Variants in C16orf82 observed in about 807,000 individuals in gnomAD.
C16orf82 encodes chromosome 16 open reading frame 82.
For synonymous variants in C16orf82, 82 were observed against 85.5 expected (o/e 0.96, Z 0.22); for missense variants, 176 against 206.1 (o/e 0.85, Z 0.89).
chr16:27,067,424 C>T lies in C16orf82; in HGVS notation c.429C>T (p.Pro143=), dbSNP rs190259239. The T allele has an allele frequency of 1.4e-3, 1,923 of 1,331,390 alleles. 24 individuals are homozygous for T. The African/African-American group carries it at 0.026, about 18-fold the overall frequency. 82.5% of individuals were successfully genotyped at this position (1,331,390 alleles called of 1,614,324 possible). A position where few individuals can be genotyped will look rare whatever the true frequency, so the allele number is the denominator to read the frequency against. Reference sequence around the variant, plus strand: ...CTCTAAAGAGCCGGCTGACTGGCCCCGCCCACAGCACCAAGCAGACTGGAG... The same window carrying T: ...CTCTAAAGAGCCGGCTGACTGGCCCTGCCCACAGCACCAAGCAGACTGGAG... The change falls in exon 1 of 1, where the codon CCC becomes CCT. Residue 143 remains proline, a synonymous_variant. Transcript: ENST00000505035.
Position 27,066,992 on chromosome 16 carries a change from C to T in C16orf82, c.-4C>T, listed in dbSNP as rs267604481. 7.3e-7 allele frequency: 1 copy of T among 1,367,032 alleles called. No individual in the cohort carries two copies. The highest frequency in any genetic ancestry group is 1.9e-5 in the Admixed American group (1 of 52,602). The allele number at this position is 1,367,032 out of a possible 1,614,324, so 84.7% of individuals were successfully genotyped here. A position where few individuals can be genotyped will look rare whatever the true frequency, so the allele number is the denominator to read the frequency against. ...ATTCAGAGGCCTCCCAGGGCCCCCT[C>T]TCCCTGGATAAACCACTTCAGCTGC... On this transcript the variant is annotated 5_prime_UTR_variant, in exon 1 of 1. Coordinates refer to ENST00000505035, the MANE Select transcript of C16orf82 (RefSeq NM_001145545.2).
chr16:27,067,052 C>A lies in C16orf82; in HGVS notation c.57C>A (p.Ser19=). Residue 19 remains serine, a synonymous_variant, in exon 1 of 1, where the codon TCC becomes TCA. Coordinates refer to ENST00000505035, the MANE Select transcript of C16orf82 (RefSeq NM_001145545.2). ...TTCTCGAGGGAGAAAAAGGGGAATC[C>A]TCTGTCCAGAATGAGCAGGAAGGAG... 1 of 1,367,690 alleles carries A rather than the reference C, an allele frequency of 7.3e-7. No individual in the cohort carries two copies. Among genetic ancestry groups the A allele is most frequent in the Non-Finnish European group, 9.8e-7 (1 of 1,021,838 alleles). The allele number at this position is 1,367,690 out of a possible 1,614,324, so 84.7% of individuals were successfully genotyped here. A position where few individuals can be genotyped will look rare whatever the true frequency, so the allele number is the denominator to read the frequency against.
chr16:27,067,320 G>A lies in C16orf82; in HGVS notation c.325G>A (p.Val109Met), dbSNP rs766681425. 7.4e-7 allele frequency: 1 copy of A among 1,355,842 alleles called. No homozygotes were observed. Among genetic ancestry groups the A allele is most frequent in the Admixed American group, 2.0e-5 (1 of 50,636 alleles). The allele number at this position is 1,355,842 out of a possible 1,614,324, so 84.0% of individuals were successfully genotyped here. A position where few individuals can be genotyped will look rare whatever the true frequency, so the allele number is the denominator to read the frequency against. Residue 109 changes from valine to methionine, a missense_variant, in exon 1 of 1, where the codon GTG becomes ATG. Physicochemically the swap from Val to Met is conservative, Grantham distance 21. Coordinates refer to ENST00000505035, the MANE Select transcript of C16orf82 (RefSeq NM_001145545.2). ...CAGCTTGGTGGGCAGCCACCGGAGA[G>A]TGCGGCTGAACAGAAGGCTCAACAC... is the stretch of plus-strand genomic sequence containing the variant.
At position 27,067,109 on chromosome 16, in the gene C16orf82, C is replaced by G; in HGVS notation, c.114C>G (p.Leu38=). ...GCCTACAGTCACCCAGCTTAGAGCTCCAGTCCCCTGCGTGGCCACGCCATG... is the reference window on the plus strand; with the variant it reads ...GCCTACAGTCACCCAGCTTAGAGCTGCAGTCCCCTGCGTGGCCACGCCATG... The change falls in exon 1 of 1, where the codon CTC becomes CTG. Residue 38 remains leucine, a synonymous_variant. Transcript: ENST00000505035. 1.5e-6 allele frequency: 2 copies of G among 1,367,334 alleles called. No homozygotes were observed. Among genetic ancestry groups the G allele is most frequent in the South Asian group, 2.3e-5 (2 of 88,006 alleles). 84.7% of individuals were successfully genotyped at this position (1,367,334 alleles called of 1,614,324 possible). A position where few individuals can be genotyped will look rare whatever the true frequency, so the allele number is the denominator to read the frequency against.
At position 27,068,396 on chromosome 16, in the gene C16orf82, C is replaced by A. The variant is rs550041165; in HGVS notation, c.*936C>A. The A allele has an allele frequency of 6.0e-6, 1 of 167,438 alleles. No homozygotes were observed. The highest frequency in any genetic ancestry group is 2.4e-5 in the African/African-American group (1 of 41,584). The allele number at this position is 167,438 out of a possible 1,614,324, so 10.4% of individuals were successfully genotyped here. The stretch of plus-strand genomic sequence containing the variant: ...AGAACCATCTGCAGTGAGCGCCATG[C>A]GTGGAGAGCCACATCCACATGAAAC... On this transcript the variant is annotated 3_prime_UTR_variant, in exon 1 of 1. Transcript: ENST00000505035.
rs763773840 is a variant in C16orf82, at chr16:27,067,074, G to A, written c.79G>A (p.Gly27Arg). 9 of 1,367,582 alleles carry A rather than the reference G, an allele frequency of 6.6e-6. No individual in the cohort carries two copies. Among genetic ancestry groups the A allele is most frequent in the Non-Finnish European group, 8.8e-6 (9 of 1,021,844 alleles). 84.7% of individuals were successfully genotyped at this position (1,367,582 alleles called of 1,614,324 possible). Residue 27 changes from glycine to arginine, a missense_variant, in exon 1 of 1, where the codon GGA (glycine) becomes AGA (arginine). Gly to Arg is a moderately radical substitution (Grantham distance 125). Coordinates refer to ENST00000505035, the MANE Select transcript of C16orf82 (RefSeq NM_001145545.2). ...ATCCTCTGTCCAGAATGAGCAGGAAGGAGAGCCAAGCCTACAGTCACCCAG... is the reference window on the plus strand; with the variant it reads ...ATCCTCTGTCCAGAATGAGCAGGAAAGAGAGCCAAGCCTACAGTCACCCAG...
In C16orf82 at chr16:27,066,946, C is replaced by T. The variant is rs758370092; in HGVS notation, c.-50C>T. The T allele has an allele frequency of 3.2e-6, 4 of 1,258,982 alleles. No individual in the cohort carries two copies. Among genetic ancestry groups the T allele is most frequent in the Non-Finnish European group, 4.3e-6 (4 of 923,818 alleles). 78.0% of individuals were successfully genotyped at this position (1,258,982 alleles called of 1,614,324 possible). Reference sequence around the variant, plus strand: ...AGCCTTATATACGGAGTCACCTCTCCCCAGAGAGGTCACAGCCAACATTCA... The same window carrying T: ...AGCCTTATATACGGAGTCACCTCTCTCCAGAGAGGTCACAGCCAACATTCA... On this transcript the variant is annotated 5_prime_UTR_variant, in exon 1 of 1. Transcript: ENST00000505035.
In C16orf82 at chr16:27,067,323, C is replaced by A. The variant is rs373442970; in HGVS notation, c.328C>A (p.Arg110=). The change falls in exon 1 of 1, where the codon CGG becomes AGG. Residue 110 remains arginine, a synonymous_variant. Transcript: ENST00000505035. ...CTTGGTGGGCAGCCACCGGAGAGTG[C>A]GGCTGAACAGAAGGCTCAACACCCA... 1.3e-5 allele frequency: 17 copies of A among 1,353,016 alleles called. No homozygotes were observed. Among genetic ancestry groups the A allele is most frequent in the Non-Finnish European group, 1.6e-5 (16 of 1,015,302 alleles). The allele number at this position is 1,353,016 out of a possible 1,614,324, so 83.8% of individuals were successfully genotyped here.
chr16:27,067,013 G>A lies in C16orf82; in HGVS notation c.18G>A (p.Gln6=). ...CCCTCTCCCTGGATAAACCACTTCA[G>A]CTGCCCCCCATTTTTCTCGAGGGAG... The change falls in exon 1 of 1, where the codon CAG becomes CAA. Residue 6 remains glutamine (Q), a synonymous_variant. Transcript: ENST00000505035. 7.3e-7 allele frequency: 1 copy of A among 1,367,708 alleles called. No homozygotes were observed. The highest frequency in any genetic ancestry group is 1.1e-5 in the South Asian group (1 of 88,060). The allele number at this position is 1,367,708 out of a possible 1,614,324, so 84.7% of individuals were successfully genotyped here.
Position 27,067,244 on chromosome 16 carries a change from C to T in C16orf82, c.249C>T (p.Ser83=). 1 of 1,366,028 alleles carries T rather than the reference C, an allele frequency of 7.3e-7. No homozygotes were observed. The highest frequency in any genetic ancestry group is 9.8e-7 in the Non-Finnish European group (1 of 1,021,288). The allele number at this position is 1,366,028 out of a possible 1,614,324, so 84.6% of individuals were successfully genotyped here. A position where few individuals can be genotyped will look rare whatever the true frequency, so the allele number is the denominator to read the frequency against. Residue 83 remains serine (S), a synonymous_variant, in exon 1 of 1, where the codon AGC becomes AGT. Coordinates refer to ENST00000505035, the MANE Select transcript of C16orf82 (RefSeq NM_001145545.2). ...AGCACCCGAGGCCAGAGGAGGGCAG[C>T]CATGCCAGCCTGAGCAGCGGGTACG...
Position 27,067,389 on chromosome 16 carries a change from C to T in C16orf82, c.394C>T (p.Pro132Ser), listed in dbSNP as rs1161581589. Reference sequence around the variant, plus strand: ...AACCAGCCAGCTGGGCTCCATAGACCCTCCCAGCTCTCTAAAGAGCCGGCT... The same window carrying T: ...AACCAGCCAGCTGGGCTCCATAGACTCTCCCAGCTCTCTAAAGAGCCGGCT... Residue 132 changes from proline to serine, a missense_variant, in exon 1 of 1, where the codon CCT (proline) becomes TCT (serine). Transcript: ENST00000505035. The T allele has an allele frequency of 1.5e-6, 2 of 1,333,468 alleles. No individual in the cohort carries two copies. The highest frequency in any genetic ancestry group is 5.0e-5 in the East Asian group (1 of 19,878). 82.6% of individuals were successfully genotyped at this position (1,333,468 alleles called of 1,614,324 possible). A position where few individuals can be genotyped will look rare whatever the true frequency, so the allele number is the denominator to read the frequency against.
Position 27,066,930 on chromosome 16 carries a change from T to C in C16orf82, c.-66T>C, listed in dbSNP as rs751471617. Reference sequence around the variant, plus strand: ...AGAGTTTTCAAAGGGCAGCCTTATATACGGAGTCACCTCTCCCCAGAGAGG... The same window carrying C: ...AGAGTTTTCAAAGGGCAGCCTTATACACGGAGTCACCTCTCCCCAGAGAGG... On this transcript the variant is annotated 5_prime_UTR_variant, in exon 1 of 1. Transcript: ENST00000505035. 2.5e-5 allele frequency: 30 copies of C among 1,189,522 alleles called. No individual in the cohort carries two copies. The Admixed American group carries it at 5.3e-4, about 21-fold the overall frequency. 73.7% of individuals were successfully genotyped at this position (1,189,522 alleles called of 1,614,324 possible).
chr16:27,067,265 G>A lies in C16orf82; in HGVS notation c.270G>A (p.Gly90=). 7.3e-7 allele frequency: 1 copy of A among 1,364,964 alleles called. No individual in the cohort carries two copies. The highest frequency in any genetic ancestry group is 2.1e-4 in the Middle Eastern group (1 of 4,762). The allele number at this position is 1,364,964 out of a possible 1,614,324, so 84.6% of individuals were successfully genotyped here. ...GCAGCCATGCCAGCCTGAGCAGCGG[G>A]TACGCAGGGGACAAGGAGGGCAGCG... Residue 90 remains glycine, a synonymous_variant, in exon 1 of 1, where the codon GGG becomes GGA. Coordinates refer to ENST00000505035, the MANE Select transcript of C16orf82 (RefSeq NM_001145545.2).
rs944478400 is a variant in C16orf82 at position 27,068,101 on chromosome 16, T to C, written c.*641T>C. ...CAGCGAAGAGTAATGACATCGACTG[T>C]GAACTTCAGTGACAAGCCATCTATA... On this transcript the variant is annotated 3_prime_UTR_variant, in exon 1 of 1. Transcript: ENST00000505035. 6.0e-6 allele frequency: 1 copy of C among 167,660 alleles called. No individual in the cohort carries two copies. 10.4% of individuals were successfully genotyped at this position (167,660 alleles called of 1,614,324 possible).
chr16:27,067,574 C>G lies in C16orf82; in HGVS notation c.*114C>G, dbSNP rs1484008473. ...GTGAGCAGCGGGCTGCTGACTTCCACAGCCAGCCTTCCCTCCACCCAGGCC... is the reference window on the plus strand; with the variant it reads ...GTGAGCAGCGGGCTGCTGACTTCCAGAGCCAGCCTTCCCTCCACCCAGGCC... On this transcript the variant is annotated 3_prime_UTR_variant, in exon 1 of 1. Coordinates refer to ENST00000505035, the MANE Select transcript of C16orf82 (RefSeq NM_001145545.2). 6 of 813,188 alleles carry G rather than the reference C, an allele frequency of 7.4e-6. No individual in the cohort carries two copies. Among genetic ancestry groups the G allele is most frequent in the Non-Finnish European group, 1.0e-5 (6 of 585,732 alleles). The allele number at this position is 813,188 out of a possible 1,614,324, so 50.4% of individuals were successfully genotyped here.
In C16orf82 at chr16:27,067,618, C is replaced by T. The variant is rs114570071; in HGVS notation, c.*158C>T. On this transcript the variant is annotated 3_prime_UTR_variant, in exon 1 of 1. Transcript: ENST00000505035. ...CCAGGCCAGCAGCCGTCAGAGCGTCCGGCTGGATGGCAGTGCCCAAAACAG... is the reference window on the plus strand; with the variant it reads ...CCAGGCCAGCAGCCGTCAGAGCGTCTGGCTGGATGGCAGTGCCCAAAACAG... The T allele has an allele frequency of 4.6e-4, 241 of 522,218 alleles. 4 individuals carry two copies. The highest frequency in any genetic ancestry group is 4.1e-3 in the South Asian group (212 of 51,492). 32.3% of individuals were successfully genotyped at this position (522,218 alleles called of 1,614,324 possible).
chr16:27,067,243 G>A lies in C16orf82; in HGVS notation c.248G>A (p.Ser83Asn), dbSNP rs764112778. ...CAGCACCCGAGGCCAGAGGAGGGCA[G>A]CCATGCCAGCCTGAGCAGCGGGTAC... is the stretch of plus-strand genomic sequence containing the variant. The change falls in exon 1 of 1, where the codon AGC (serine) becomes AAC (asparagine). Residue 83 changes from serine to asparagine, a missense_variant. Transcript: ENST00000505035. The A allele has an allele frequency of 3.7e-6, 5 of 1,366,112 alleles. No homozygotes were observed. Among genetic ancestry groups the A allele is most frequent in the South Asian group, 3.4e-5 (3 of 87,660 alleles). 84.6% of individuals were successfully genotyped at this position (1,366,112 alleles called of 1,614,324 possible).
chr16:27,068,012 C>T lies in C16orf82; in HGVS notation c.*552C>T, dbSNP rs1479315401. 2 of 172,590 alleles carry T rather than the reference C, an allele frequency of 1.2e-5. No homozygotes were observed. Among genetic ancestry groups the T allele is most frequent in the Non-Finnish European group, 2.8e-5 (2 of 71,690 alleles). 10.7% of individuals were successfully genotyped at this position (172,590 alleles called of 1,614,324 possible). On this transcript the variant is annotated 3_prime_UTR_variant, in exon 1 of 1. Coordinates refer to ENST00000505035, the MANE Select transcript of C16orf82 (RefSeq NM_001145545.2). ...GTGAGGAGACTGTCTATACTGAGAA[C>T]CACTGTTGCTAGGAAGAGCTGTAGT...
rs927528651 is a variant in C16orf82 at position 27,067,705 on chromosome 16, C to G, written c.*245C>G. 5.5e-6 allele frequency: 2 copies of G among 362,178 alleles called. No homozygotes were observed. The highest frequency in any genetic ancestry group is 5.7e-6 in the Non-Finnish European group (1 of 176,416). The allele number at this position is 362,178 out of a possible 1,614,324, so 22.4% of individuals were successfully genotyped here. ...GGGCGGCAACGTGAAAACCAGTGAGCAGGTCACCACGGGGGAGCAGCCTGC... is the reference window on the plus strand; with the variant it reads ...GGGCGGCAACGTGAAAACCAGTGAGGAGGTCACCACGGGGGAGCAGCCTGC... On this transcript the variant is annotated 3_prime_UTR_variant, in exon 1 of 1. Coordinates refer to ENST00000505035, the MANE Select transcript of C16orf82 (RefSeq NM_001145545.2).
Sources: allele counts gnomAD v4.1 joint callset, GRCh38; gene constraint gnomAD v4.1.1; transcripts MANE v1.5; gene names NCBI Gene and HGNC (gene_info 2026-07-23, HGNC 2026-07-21).